ARL15: variants seen among roughly 807,000 people sequenced by gnomAD.
ARL15 encodes ARF like GTPase 15, also known as ADP-ribosylation factor-like protein 15.
In ARL15, 19 loss-of-function variants were observed where a neutral mutation model predicts 25.2. That is an observed-to-expected ratio of 0.75 (90% CI 0.53 to 1.10). The LOEUF is 1.10. ARL15 is among the 50% of genes least tolerant of loss of function. The pLI is 0.00. For missense variants in ARL15, 220 were observed against 246.0 expected (o/e 0.89, Z 0.71); for synonymous variants, 94 against 86.8 (o/e 1.08, Z -0.46).
At chr5:54,004,629 T>C (rs1273335496) in intron 4 of ARL15, among the ~76,000 whole-genome samples, 1 of 152,200 alleles carries the variant, frequency 6.6e-6, no homozygotes, top group Admixed American at 6.5e-5. Context: ...TATGTATTGA[T>C]TGCCGCCTCT....
intron 4 of ARL15, among the ~76,000 whole-genome samples, chr5:54,101,116 T>C (rs983381053): frequency 6.6e-6 from 1 of 152,096 alleles, no homozygotes; most frequent in African/African-American, 2.4e-5. Context: ...TACAAATGTA[T>C]GCATATTTGT....
chr5:54,041,380 C>G (rs1750338975), intron 4 of ARL15, among the ~76,000 whole-genome samples: 1 of 152,148 alleles, frequency 6.6e-6, no homozygotes, highest in African/African-American at 2.4e-5. Flanking sequence ...TGCACAACAA[C>G]TAGGTCACCT....
At chr5:53,888,447 AT>A (rs1255317371) in intron 4 of ARL15, among the ~76,000 whole-genome samples, 1 of 152,090 alleles carries the variant, frequency 6.6e-6, no homozygotes, top group East Asian at 1.9e-4. Flanking sequence ...CAACTGGCTA[AT>A]TTTTAAAAAA....
chr5:54,278,844 C>T (rs1200778198), intron 1 of ARL15, among the ~76,000 whole-genome samples: 2 of 152,202 alleles, frequency 1.3e-5, no homozygotes, highest in Admixed American at 6.5e-5. Flanking sequence ...ACTGGATACC[C>T]TTTGTTGTCT....
intron 1 of ARL15, among the ~76,000 whole-genome samples, chr5:54,288,416 T>A (rs1308542535): frequency 6.6e-6 from 1 of 152,182 alleles, no homozygotes; most frequent in African/African-American, 2.4e-5. Flanking sequence ...AAAGTCTACA[T>A]ATAGTGGGCA....
intron 1 of ARL15, among the ~76,000 whole-genome samples, chr5:54,223,871 CCTTGA>C (rs927502503): frequency 3.3e-5 from 5 of 152,090 alleles, no homozygotes; most frequent in African/African-American, 1.2e-4. Context: ...GGAAGAGCTT[CCTTGA>C]CTTGAGTACT....
chr5:54,135,664 T>G (rs1753580769), intron 3 of ARL15, among the ~76,000 whole-genome samples: 1 of 152,192 alleles, frequency 6.6e-6, no homozygotes, highest in Admixed American at 6.5e-5. Context: ...TATACATACT[T>G]TCTGAGACTG....
At chr5:54,233,770 C>A (rs572907287) in intron 1 of ARL15, among the ~76,000 whole-genome samples, 1 of 152,272 alleles carries the variant, frequency 6.6e-6, no homozygotes, top group Admixed American at 6.5e-5. Flanking sequence ...TTAAAATATT[C>A]TTTTCCAACT....
intron 4 of ARL15, among the ~76,000 whole-genome samples, chr5:53,947,847 G>A (rs1296139348): frequency 1.3e-5 from 2 of 151,932 alleles, no homozygotes; most frequent in African/African-American, 2.4e-5. Flanking sequence ...GACTCCCAGA[G>A]CAAAGAAAAA....
intron 4 of ARL15, among the ~76,000 whole-genome samples, chr5:54,093,982 G>A (rs1430792651): frequency 6.6e-6 from 1 of 152,182 alleles, no homozygotes; most frequent in Non-Finnish European, 1.5e-5. Context: ...TGTGGTCTCA[G>A]AGTGAAGGTT....
intron 4 of ARL15, among the ~76,000 whole-genome samples, chr5:53,999,866 G>A (rs1748798691): frequency 6.6e-6 from 1 of 151,678 alleles, no homozygotes; most frequent in African/African-American, 2.4e-5. Context: ...TTGCACTCCA[G>A]CCTGGGCAAT....
intron 3 of ARL15, among the ~76,000 whole-genome samples, chr5:54,149,294 G>A (rs1484118475): frequency 6.6e-6 from 1 of 152,100 alleles, no homozygotes; most frequent in Non-Finnish European, 1.5e-5. Context: ...AACTATGCTA[G>A]GTAGCTAAAC....
At chr5:53,887,656 C>T (rs1178007215) in intron 4 of ARL15, among the ~76,000 whole-genome samples, 1 of 152,104 alleles carries the variant, frequency 6.6e-6, no homozygotes, top group African/African-American at 2.4e-5. Flanking sequence ...ATATTTATTG[C>T]CCAACAAAGT....
chr5:53,960,325 A>G (rs1747320067), intron 4 of ARL15, among the ~76,000 whole-genome samples: 2 of 152,198 alleles, frequency 1.3e-5, no homozygotes, highest in South Asian at 4.1e-4. Flanking sequence ...TAATGAAATA[A>G]TCTATCCTTA....
intron 1 of ARL15, among the ~76,000 whole-genome samples, chr5:54,206,862 C>CA (rs1755884358): frequency 6.6e-6 from 1 of 152,126 alleles, no homozygotes; most frequent in African/African-American, 2.4e-5. Context: ...GTCTCTGATA[C>CA]AAAATCATAA....
chr5:53,886,845 A>C (rs1744542601), intron 4 of ARL15, 132 bp from the exon 5 acceptor site: 7 of 806,188 alleles, frequency 8.7e-6, no homozygotes. Flanking sequence ...ACAACTTTGC[A>C]ATGTGGATGC....
At chr5:54,011,999 C>T (rs753607517) in intron 4 of ARL15, among the ~76,000 whole-genome samples, 12 of 142,380 alleles carry the variant, frequency 8.4e-5, no homozygotes, top group Non-Finnish European at 1.4e-4. Context: ...CAGAGCAAGA[C>T]TCTGTCTCAA....
At chr5:54,011,432 G>A (rs1331336332) in intron 4 of ARL15, among the ~76,000 whole-genome samples, 2 of 151,996 alleles carry the variant, frequency 1.3e-5, no homozygotes, top group Non-Finnish European at 2.9e-5. Flanking sequence ...TGTTGTTGTT[G>A]TTGTTTTGTT....
At chr5:54,152,435 G>A (rs1378027819) in intron 3 of ARL15, among the ~76,000 whole-genome samples, 2 of 152,132 alleles carry the variant, frequency 1.3e-5, no homozygotes, top group African/African-American at 4.8e-5. Flanking sequence ...CTTAGTGAAT[G>A]AGCTGTCAAG....
Sources: allele counts gnomAD v4.1 joint callset (sites outside exome capture counted in the v4.1 genomes callset), GRCh38; gene constraint gnomAD v4.1.1; transcripts MANE v1.5; gene names NCBI Gene and HGNC (gene_info 2026-07-23, HGNC 2026-07-21).